The following PCDHGA4 variants were observed in gnomAD, a reference collection of about 807,000 sequenced individuals.
PCDHGA4 encodes the protein protocadherin gamma subfamily A, 4.
A neutral mutation model predicts 54.6 loss-of-function variants in PCDHGA4; 38 were observed. The ratio of observed to expected loss-of-function variants is 0.70; its 90% CI spans 0.54 to 0.91. The LOEUF is 0.91. Ranked by LOEUF, PCDHGA4 falls within the 40% of genes least tolerant of loss-of-function variation. The pLI is 0.00. For synonymous variants in PCDHGA4, 511 were observed against 512.9 expected, an observed-to-expected ratio of 1.00 and a Z score of 0.05; for missense variants, 1,298 against 1,220.9, an observed-to-expected ratio of 1.06 and a Z score of -0.94.
intron 1 of PCDHGA4, chr5:141,397,913 G>C (rs1429104427): frequency 1.4e-6 from 1 of 691,886 alleles, no homozygotes; most frequent in African/African-American, 1.8e-5. Flanking sequence ...TGGCGCTCCA[G>C]ATCTCCTCGC....
intron 1 of PCDHGA4, chr5:141,365,444 C>T (rs771471249): frequency 3.7e-6 from 6 of 1,613,872 alleles, no homozygotes; most frequent in South Asian, 2.2e-5. Context: ...GTTTAGCGTA[C>T]ATGATGGTGA....
At chr5:141,361,983 C>T (rs1762266542) in intron 1 of PCDHGA4, 2 of 1,601,638 alleles carry the variant, frequency 1.2e-6, no homozygotes, top group East Asian at 2.2e-5. Flanking sequence ...AGCCCGGGCT[C>T]TTCAGCCTGG....
chr5:141,432,413 G>T lies in PCDHGA4; in HGVS notation c.2515-62394G>T, dbSNP rs369816901. On this transcript the variant is annotated intron_variant, in intron 1 of 3. Transcript: ENST00000571252. This position sits in a 1 kb window ranked among gnomAD's most constrained non-coding sequence, Gnocchi z 6.0. ...CAGCAACGTGTCGTTGAGCCTGTTCGTGCTGGACCAGAACGACAATGCGCC... is the reference window on the plus strand; with the variant it reads ...CAGCAACGTGTCGTTGAGCCTGTTCTTGCTGGACCAGAACGACAATGCGCC... The T allele has an allele frequency of 6.2e-7, 1 of 1,614,232 alleles. No homozygotes were observed.
intron 1 of PCDHGA4, among the ~76,000 whole-genome samples, chr5:141,458,596 G>A (rs907922436): frequency 1.8e-4 from 27 of 151,842 alleles, no homozygotes; most frequent in African/African-American, 5.8e-4. Flanking sequence ...TTGGAGACGA[G>A]TCTCACTCTG....
At chr5:141,403,003 C>T in intron 1 of PCDHGA4, 3 of 1,613,970 alleles carry the variant, frequency 1.9e-6, no homozygotes, top group South Asian at 1.1e-5. Flanking sequence ...TCCTGCTATG[C>T]TCGCTCCTGG....
At chr5:141,419,137 C>T (rs764281503) in intron 1 of PCDHGA4, 1 of 1,613,892 alleles carries the variant, frequency 6.2e-7, no homozygotes, top group Non-Finnish European at 8.5e-7. Flanking sequence ...CAGCCACAGA[C>T]AGGGGCAAGC....
chr5:141,413,111 AG>A lies in PCDHGA4; in HGVS notation c.2514+55492del, dbSNP rs962952666. ...ACACCCTGAAGCCACAGAAAGACAA[AG>A]GAACCGGTTGAAACACACAACGTGT... On this transcript the variant is annotated intron_variant, in intron 1 of 3. Transcript: ENST00000571252. 4.7e-6 allele frequency: 7 copies of A among 1,499,852 alleles called. No individual in the cohort carries two copies. In the African/African-American group the frequency reaches 8.4e-5, roughly 18 times the overall value. 92.9% of individuals were successfully genotyped at this position (1,499,852 alleles called of 1,614,324 possible). A position where few individuals can be genotyped will look rare whatever the true frequency, so the allele number is the denominator to read the frequency against.
chr5:141,364,720 C>T (rs1763500298), intron 1 of PCDHGA4: 6 of 1,613,946 alleles, frequency 3.7e-6, no homozygotes, highest in Non-Finnish European at 5.1e-6. Flanking sequence ...ATGATAACTT[C>T]CCGCGTTTCC....
intron 2 of PCDHGA4, among the ~76,000 whole-genome samples, chr5:141,500,881 T>G (rs940387787): frequency 1.0e-5 from 1 of 99,136 alleles, no homozygotes; most frequent in Non-Finnish European, 1.9e-5. Context: ...TTTACAATTT[T>G]TTTTTTTTGA....
In PCDHGA4 at chr5:141,491,552, G is replaced by A. The variant is rs769927075; in HGVS notation, c.2515-3255G>A. 1 of 1,614,008 alleles carries A rather than the reference G, an allele frequency of 6.2e-7. No individual in the cohort carries two copies. The highest frequency in any genetic ancestry group is 1.7e-5 in the Admixed American group (1 of 60,024). On this transcript the variant is annotated intron_variant, in intron 1 of 3. Coordinates refer to ENST00000571252, the MANE Select transcript of PCDHGA4 (RefSeq NM_018917.4). This position sits in a 1 kb window ranked among gnomAD's most constrained non-coding sequence, Gnocchi z 6.9. Reference sequence around the variant, plus strand: ...ACGCTGCGGCCCACAGACTCGCAGAGCCACTGCTACAGGACGTGCTTTTCA... The same window carrying A: ...ACGCTGCGGCCCACAGACTCGCAGAACCACTGCTACAGGACGTGCTTTTCA...
At chr5:141,404,231 A>G (rs1403622769) in intron 1 of PCDHGA4, 1 of 1,613,928 alleles carries the variant, frequency 6.2e-7, no homozygotes, top group Non-Finnish European at 8.5e-7. Context: ...TGCAACAGAC[A>G]GAGGAACTCC....
At chr5:141,413,870 T>A (rs2095687151) in intron 1 of PCDHGA4, 1 of 1,613,268 alleles carries the variant, frequency 6.2e-7, no homozygotes, top group Admixed American at 1.7e-5. Context: ...ACTGTCCTTG[T>A]CAGTGTGACT....
chr5:141,408,390 C>T (rs375719639), intron 1 of PCDHGA4: 1 of 1,613,902 alleles, frequency 6.2e-7, no homozygotes, highest in East Asian at 2.2e-5. Context: ...GATGTGTCGG[C>T]TCGCAAGCTG....
chr5:141,491,022 C>T lies in PCDHGA4; in HGVS notation c.2515-3785C>T, dbSNP rs1431293281. 6.8e-6 allele frequency: 11 copies of T among 1,614,116 alleles called. No homozygotes were observed. Among genetic ancestry groups the T allele is most frequent in the East Asian group, 2.2e-5 (1 of 44,886 alleles). On this transcript the variant is annotated intron_variant, in intron 1 of 3. Coordinates refer to ENST00000571252, the MANE Select transcript of PCDHGA4 (RefSeq NM_018917.4). The surrounding 1 kb of genome is among the most constrained non-coding windows in gnomAD (Gnocchi z 6.9). ...GCTCCTTGGTCACCAAGGTGACAGCCGTGGATGCTGATGCAGGCCACAATG... is the reference window on the plus strand; with the variant it reads ...GCTCCTTGGTCACCAAGGTGACAGCTGTGGATGCTGATGCAGGCCACAATG...
chr5:141,501,296 C>T (rs4912760), intron 2 of PCDHGA4, among the ~76,000 whole-genome samples: 1,659 of 80,026 alleles, frequency 0.021, 16 homozygotes, highest in African/African-American at 0.042. Flanking sequence ...CTTATACACA[C>T]ACACACACAC....
intron 1 of PCDHGA4, chr5:141,393,452 G>A (rs189963623): frequency 6.2e-7 from 1 of 1,614,030 alleles, no homozygotes; most frequent in Non-Finnish European, 8.5e-7. Context: ...TGGTCCTCAC[G>A]GCCTCGGATG....
intron 1 of PCDHGA4, chr5:141,366,384 A>T (rs773208585): frequency 1.2e-6 from 2 of 1,614,124 alleles, no homozygotes; most frequent in Admixed American, 3.3e-5. Context: ...ATTGACCCTG[A>T]GGATCTGGAC....
At chr5:141,421,473 C>G (rs907282414) in intron 1 of PCDHGA4, 14 of 1,614,112 alleles carry the variant, frequency 8.7e-6, no homozygotes, top group African/African-American at 1.3e-5. Flanking sequence ...ATCCGCGAAG[C>G]GGCAGCTTGA....
At position 141,355,887 on chromosome 5, in the gene PCDHGA4, C is replaced by G; in HGVS notation, c.780C>G (p.Leu260=). 6.2e-7 allele frequency: 1 copy of G among 1,613,492 alleles called. No individual in the cohort carries two copies. Among genetic ancestry groups the G allele is most frequent in the South Asian group, 1.1e-5 (1 of 90,972 alleles). The stretch of plus-strand genomic sequence containing the variant: ...TTCGCTCTGGCACTGCCAGGATTCT[C>G]ATAATACTTGTGGATACCAACGATA... ...DPVRSGTARI[L]IILVDTNDNA... The change falls in exon 1 of 4, where the codon CTC becomes CTG. Residue 260 remains leucine, a synonymous_variant. Coordinates refer to ENST00000571252, the MANE Select transcript of PCDHGA4 (RefSeq NM_018917.4).
Sources: gnomAD v4.1 joint callset for allele counts (sites outside exome capture counted in the v4.1 genomes callset) on GRCh38, gnomAD v4.1.1 for gene constraint, Gnocchi (gnomAD v3.1) non-coding constraint, MANE v1.5 for transcripts, NCBI Gene and HGNC (gene_info 2026-07-23, HGNC 2026-07-21) for gene names.